Variants in MTMR14 observed in about 807,000 individuals in gnomAD.
The protein encoded by MTMR14 is myotubularin related protein 14.
A neutral mutation model predicts 86.3 loss-of-function variants in MTMR14; 48 were observed. That is an observed-to-expected ratio of 0.56 (90% CI 0.44 to 0.71). The LOEUF is 0.71. MTMR14 is among the 30% of genes least tolerant of loss of function. The pLI is 0.00. For synonymous variants in MTMR14, 366 were observed against 326.1 expected (o/e 1.12, Z -1.32); for missense variants, 780 against 834.6 (o/e 0.93, Z 0.81).
intron 9 of MTMR14, among the ~76,000 whole-genome samples, chr3:9,682,138 G>A (rs2075788902): frequency 1.3e-5 from 2 of 152,222 alleles, no homozygotes; most frequent in African/African-American, 2.4e-5. Context: ...TGTCTGACAC[G>A]TTGAGCCAGA....
intron 2 of MTMR14, among the ~76,000 whole-genome samples, chr3:9,655,570 C>T (rs903062170): frequency 2.7e-5 from 4 of 146,914 alleles, no homozygotes; most frequent in Non-Finnish European, 4.5e-5. Flanking sequence ...AAGCAATTCT[C>T]CTGCCTCAGC....
At chr3:9,671,498 G>T (rs759013781) in intron 6 of MTMR14, among the ~76,000 whole-genome samples, 1 of 152,024 alleles carries the variant, frequency 6.6e-6, no homozygotes, top group Non-Finnish European at 1.5e-5. Flanking sequence ...GCCATGTGTG[G>T]CAGATTAGAA....
Position 9,687,832 on chromosome 3 carries a change from C to T in MTMR14, c.1176C>T (p.Phe392=), listed in dbSNP as rs745389464. The T allele has an allele frequency of 3.2e-5, 51 of 1,577,254 alleles. No individual in the cohort carries two copies. In the South Asian group the frequency reaches 5.3e-4, roughly 16 times the overall value. The change falls in exon 14 of 19, where the codon TTC becomes TTT. Residue 392 remains phenylalanine, a synonymous_variant. Coordinates refer to ENST00000296003, the MANE Select transcript of MTMR14 (RefSeq NM_001077525.3). ...RLSKGEEIFF[F]CFNFLKHITS... ...TTGGTCTCCTTTAGATTTTCTTCTT[C>T]TGCTTCAATTTTTTGAAGCATATTA...
At chr3:9,656,681 A>T (rs1428926958) in intron 2 of MTMR14, among the ~76,000 whole-genome samples, 2 of 152,166 alleles carry the variant, frequency 1.3e-5, no homozygotes, top group Non-Finnish European at 2.9e-5. Flanking sequence ...GGCCTCCCAA[A>T]GTGCTGGATT....
intron 13 of MTMR14, among the ~76,000 whole-genome samples, chr3:9,687,078 T>A (rs1462203755): frequency 6.6e-6 from 1 of 152,210 alleles, no homozygotes; most frequent in East Asian, 1.9e-4. Flanking sequence ...GTGATTCCTT[T>A]CCTTTCCATT....
chr3:9,683,768 A>T (rs940839489), intron 10 of MTMR14: 1 of 157,518 alleles, frequency 6.3e-6, no homozygotes, highest in African/African-American at 2.4e-5. Flanking sequence ...ACAAGTGGAA[A>T]TGCATTGGCT....
At position 9,683,685 on chromosome 3, in the gene MTMR14, AATGT is replaced by A. The variant is rs111341775; in HGVS notation, c.964+442_964+445del. 1.4e-3 allele frequency: 256 copies of A among 182,226 alleles called. 1 individual carries two copies. Among genetic ancestry groups the A allele is most frequent in the African/African-American group, 5.9e-3 (249 of 42,488 alleles). 11.3% of individuals were successfully genotyped at this position (182,226 alleles called of 1,614,324 possible). A position where few individuals can be genotyped will look rare whatever the true frequency, so the allele number is the denominator to read the frequency against. On this transcript the variant is annotated intron_variant, in intron 10 of 18. Transcript: ENST00000296003. Reference sequence around the variant, plus strand: ...TTGATTGGATGGGCCTGGCTTGCTCAATGTCTCTAGGGCAGACGGACTCTAAATC... The same window carrying A: ...TTGATTGGATGGGCCTGGCTTGCTCACTCTAGGGCAGACGGACTCTAAATC...
At chr3:9,658,204 T>C (rs1574939242) in intron 2 of MTMR14, among the ~76,000 whole-genome samples, 1 of 152,218 alleles carries the variant, frequency 6.6e-6, no homozygotes, top group East Asian at 1.9e-4. Context: ...TTTTTTGCTT[T>C]TTTACTGTCT....
At chr3:9,696,619 C>G (rs1169318979) in intron 17 of MTMR14, among the ~76,000 whole-genome samples, 1 of 152,226 alleles carries the variant, frequency 6.6e-6, no homozygotes, top group Non-Finnish European at 1.5e-5. Context: ...CAGTGCCTGG[C>G]TGGCTGCACT....
intron 3 of MTMR14, among the ~76,000 whole-genome samples, chr3:9,665,753 CAG>C (rs2048215934): frequency 7.1e-6 from 1 of 141,296 alleles, no homozygotes; most frequent in African/African-American, 2.6e-5. Flanking sequence ...TTTTTTGAGA[CAG>C]AGTCTCGCTG....
chr3:9,688,889 G>A, intron 15 of MTMR14, 55 bp from the exon 16 acceptor site: 1 of 1,613,464 alleles, frequency 6.2e-7, no homozygotes, highest in South Asian at 1.1e-5. Flanking sequence ...GAAAAGGTGG[G>A]GGACCAGTAG....
intron 17 of MTMR14, among the ~76,000 whole-genome samples, chr3:9,692,490 C>T (rs1344211695): frequency 6.6e-6 from 1 of 152,230 alleles, no homozygotes; most frequent in Non-Finnish European, 1.5e-5. Context: ...TCATCAGCGA[C>T]AGGGTTGAGG....
intron 3 of MTMR14, among the ~76,000 whole-genome samples, chr3:9,665,602 G>C (rs765887639): frequency 3.9e-5 from 6 of 152,084 alleles, no homozygotes; most frequent in South Asian, 4.1e-4. Context: ...TAACAAACTT[G>C]CACAGGTACC....
intron 1 of MTMR14, 110 bp from the exon 2 acceptor site, chr3:9,653,511 A>G: frequency 7.2e-7 from 1 of 1,379,620 alleles, no homozygotes; most frequent in South Asian, 1.2e-5. Flanking sequence ...CAGAATAATT[A>G]TCACCCAGGT....
chr3:9,697,706 C>G lies in MTMR14; in HGVS notation c.1614-5C>G. 1 of 1,613,876 alleles carries G rather than the reference C, an allele frequency of 6.2e-7. No individual in the cohort carries two copies. Among genetic ancestry groups the G allele is most frequent in the Non-Finnish European group, 8.5e-7 (1 of 1,179,900 alleles). ...CCTCTCCCCTCTCTCTCCTCTCTGC[C>G]CCAGATCAGTGGACCATCCCCTGCC... On this transcript the variant is annotated splice_region_variant and splice_polypyrimidine_tract_variant and intron_variant, in intron 17 of 18. Transcript: ENST00000296003.
At position 9,674,398 on chromosome 3, in the gene MTMR14, T is replaced by G. The variant is rs963095132; in HGVS notation, c.751+1640T>G. 4.6e-5 allele frequency among the ~76,000 whole-genome samples: 7 copies of G among 152,322 alleles called. No individual in the cohort carries two copies. In the South Asian group the frequency reaches 1.5e-3, roughly 32 times the overall value. ...TGAGGACGTTCATCATGATGTCTAT[T>G]TGTAATAGCAAAACAAGAAATGTTT... On this transcript the variant is annotated intron_variant, in intron 7 of 18. Transcript: ENST00000296003.
At chr3:9,700,491 A>G (rs942782032) in intron 18 of MTMR14, 1 of 152,152 alleles carries the variant, frequency 6.6e-6, no homozygotes, top group Non-Finnish European at 1.5e-5. Flanking sequence ...TCATGCTTTG[A>G]TAAGCCTGAG....
At position 9,656,787 on chromosome 3, in the gene MTMR14, T is replaced by C. The variant is rs183667608; in HGVS notation, c.308+3018T>C. On this transcript the variant is annotated intron_variant, in intron 2 of 18. Coordinates refer to ENST00000296003, the MANE Select transcript of MTMR14 (RefSeq NM_001077525.3). ...CAAGAGGGTTTTGTTTTGTTTTGTTTTCTTTGTTTTTGCCTTGCCATTCTC... is the reference window on the plus strand; with the variant it reads ...CAAGAGGGTTTTGTTTTGTTTTGTTCTCTTTGTTTTTGCCTTGCCATTCTC... Among the ~76,000 whole-genome samples the C allele has an allele frequency of 2.7e-4, 41 of 152,190 alleles. No homozygotes were observed. The East Asian group carries it at 4.8e-3, about 18-fold the overall frequency.
intron 3 of MTMR14, among the ~76,000 whole-genome samples, chr3:9,668,037 A>G (rs2048350753): frequency 6.6e-6 from 1 of 152,010 alleles, no homozygotes; most frequent in Admixed American, 6.6e-5. Context: ...ACCCAACTAG[A>G]TTTCAGCAAA....
Sources: allele counts gnomAD v4.1 joint callset (sites outside exome capture counted in the v4.1 genomes callset), GRCh38; gene constraint gnomAD v4.1.1; transcripts MANE v1.5; gene names NCBI Gene and HGNC (gene_info 2026-07-23, HGNC 2026-07-21).